Variants in CAPZB observed in about 807,000 individuals in gnomAD.
CAPZB encodes the protein capping actin protein of muscle Z-line subunit beta.
Under a neutral mutation model 38.1 loss-of-function variants are expected in CAPZB, and 2 were observed. The observed-to-expected ratio is 0.05, with a 90% confidence interval of 0.02 to 0.17. The LOEUF is 0.17. Ranked by LOEUF, CAPZB falls within the 10% of genes least tolerant of loss-of-function variation. The probability of loss-of-function intolerance (pLI) is 1.00; values close to 1 mark genes in which losing one functional copy is unlikely to be tolerated. For missense variants in CAPZB, 161 were observed against 334.2 expected (o/e 0.48, Z 4.04); for synonymous variants, 107 against 127.4 (o/e 0.84, Z 1.08).
chr1:19,470,327 A>G lies in CAPZB; in HGVS notation c.3+15109T>C, dbSNP rs1217381909. ...TCTTGTTACGATGATTCCTGTCCCT[A>G]TGTACCCCATAAACATGAGCTACAG... On this transcript the variant is annotated intron_variant, in intron 1 of 8. Transcript: ENST00000264202. 2.0e-5 allele frequency among the ~76,000 whole-genome samples: 3 copies of G among 152,294 alleles called. No homozygotes were observed. The East Asian group carries it at 5.8e-4, about 29-fold the overall frequency.
chr1:19,368,343 C>T (rs2094101299), intron 4 of CAPZB, among the ~76,000 whole-genome samples: 1 of 152,050 alleles, frequency 6.6e-6, no homozygotes, highest in South Asian at 2.1e-4. Flanking sequence ...ACACAGCTGC[C>T]CCAAAGAGGA....
At chr1:19,432,321 A>G (rs1305459756) in intron 1 of CAPZB, among the ~76,000 whole-genome samples, 1 of 152,070 alleles carries the variant, frequency 6.6e-6, no homozygotes, top group African/African-American at 2.4e-5. Flanking sequence ...GTATGCCTGT[A>G]GTCCTAGCTA....
intron 1 of CAPZB, among the ~76,000 whole-genome samples, chr1:19,478,345 C>T (rs1378161327): frequency 6.6e-6 from 1 of 152,222 alleles, no homozygotes; most frequent in Non-Finnish European, 1.5e-5. Context: ...AGAGATAACA[C>T]TCCTACTGCA....
chr1:19,418,157 A>C (rs1367865476), intron 2 of CAPZB, among the ~76,000 whole-genome samples: 4 of 150,384 alleles, frequency 2.7e-5, no homozygotes, highest in Non-Finnish European at 4.4e-5. Flanking sequence ...AAAAAAAAAA[A>C]AAAAAAAACC....
chr1:19,354,771 C>T (rs545431320), intron 6 of CAPZB, among the ~76,000 whole-genome samples: 1 of 152,182 alleles, frequency 6.6e-6, no homozygotes, highest in African/African-American at 2.4e-5. Flanking sequence ...TATCAACAGC[C>T]TGGAGTGGTA....
At chr1:19,400,231 CA>C (rs2094295853) in intron 2 of CAPZB, among the ~76,000 whole-genome samples, 1 of 152,002 alleles carries the variant, frequency 6.6e-6, no homozygotes, top group South Asian at 2.1e-4. Flanking sequence ...AGGTCTTCGT[CA>C]ATTTCAGTGT....
intron 1 of CAPZB, among the ~76,000 whole-genome samples, chr1:19,445,917 G>T (rs555759180): frequency 6.6e-6 from 1 of 152,342 alleles, no homozygotes; most frequent in South Asian, 2.1e-4. Flanking sequence ...GGCAGGGAGT[G>T]CTGGGCTGTG....
chr1:19,448,248 G>T (rs2094503033), intron 1 of CAPZB, among the ~76,000 whole-genome samples: 1 of 152,260 alleles, frequency 6.6e-6, no homozygotes, highest in South Asian at 2.1e-4. Flanking sequence ...GCCCACCCAT[G>T]AGGGACTTTC....
chr1:19,484,082 G>T (rs772224104), intron 1 of CAPZB: 20 of 1,158,074 alleles, frequency 1.7e-5, no homozygotes, highest in Non-Finnish European at 2.5e-5. Context: ...TATCTGTGGG[G>T]GCCTATGTGA....
At chr1:19,467,016 C>T (rs2094571229) in intron 1 of CAPZB, among the ~76,000 whole-genome samples, 1 of 152,100 alleles carries the variant, frequency 6.6e-6, no homozygotes, top group South Asian at 2.1e-4. Flanking sequence ...CCGCCTCAGC[C>T]TCCCAAGTAG....
At chr1:19,355,305 C>T (rs1046709436) in intron 6 of CAPZB, among the ~76,000 whole-genome samples, 1 of 152,158 alleles carries the variant, frequency 6.6e-6, no homozygotes, top group East Asian at 1.9e-4. Flanking sequence ...ACCAGCCTGG[C>T]CAACATGGTG....
In CAPZB at chr1:19,357,154, C is replaced by T. The variant is rs1478512163; in HGVS notation, c.471+268G>A. 2.0e-5 allele frequency among the ~76,000 whole-genome samples: 3 copies of T among 152,174 alleles called. No homozygotes were observed. Among genetic ancestry groups the T allele is most frequent in the East Asian group, 1.9e-4 (1 of 5,194 alleles). ...TGCTGGGATTACAGGCCCGAGCCACCGTACCTGGCCTCACAATATTGTCTT... is the reference window on the plus strand; with the variant it reads ...TGCTGGGATTACAGGCCCGAGCCACTGTACCTGGCCTCACAATATTGTCTT... On this transcript the variant is annotated intron_variant, in intron 5 of 8. Coordinates refer to ENST00000264202, the MANE Select transcript of CAPZB (RefSeq NM_004930.5). This position sits in a 1 kb window ranked among gnomAD's most constrained non-coding sequence, Gnocchi z 4.3.
At chr1:19,379,011 A>G (rs2100425061) in intron 3 of CAPZB, among the ~76,000 whole-genome samples, 1 of 152,046 alleles carries the variant, frequency 6.6e-6, no homozygotes, top group African/African-American at 2.4e-5. Context: ...CCCAGCCCAG[A>G]GCTTGCCAGA....
chr1:19,339,848 G>A (rs573984034), intron 8 of CAPZB, among the ~76,000 whole-genome samples: 7 of 152,210 alleles, frequency 4.6e-5, no homozygotes, highest in African/African-American at 1.7e-4. Context: ...GGTGGCATAT[G>A]GCTTACATGG....
chr1:19,350,351 C>T (rs1443370937), intron 6 of CAPZB, among the ~76,000 whole-genome samples: 1 of 152,262 alleles, frequency 6.6e-6, no homozygotes, highest in South Asian at 2.1e-4. Context: ...AGGCCTAGAG[C>T]GGGACTTGCC....
intron 6 of CAPZB, among the ~76,000 whole-genome samples, chr1:19,352,350 A>G (rs774770966): frequency 1.3e-5 from 2 of 152,228 alleles, no homozygotes; most frequent in Non-Finnish European, 2.9e-5. Context: ...ACTCAACAAA[A>G]CATTCCACCT....
chr1:19,346,364 CATTTATT>C (rs1314798340), intron 6 of CAPZB, among the ~76,000 whole-genome samples: 1 of 144,064 alleles, frequency 6.9e-6, no homozygotes, highest in African/African-American at 2.6e-5. Context: ...TAAGGCTAAG[CATTTATT>C]GTTGAGATTC....
intron 1 of CAPZB, among the ~76,000 whole-genome samples, chr1:19,458,547 G>C (rs1224383983): frequency 6.6e-6 from 1 of 152,114 alleles, no homozygotes; most frequent in Non-Finnish European, 1.5e-5. Context: ...GTAGAGACGG[G>C]GTTTCGCCAT....
intron 1 of CAPZB, chr1:19,448,982 G>C: frequency 1.3e-6 from 2 of 1,598,920 alleles, no homozygotes; most frequent in South Asian, 2.2e-5. Flanking sequence ...AGAGGAAGTG[G>C]AAACATGACG....
Sources: gnomAD v4.1 joint callset for allele counts (sites outside exome capture counted in the v4.1 genomes callset) on GRCh38, gnomAD v4.1.1 for gene constraint, Gnocchi (gnomAD v3.1) non-coding constraint, MANE v1.5 for transcripts, NCBI Gene and HGNC (gene_info 2026-07-23, HGNC 2026-07-21) for gene names.